MAGI2: variants seen among roughly 807,000 people sequenced by gnomAD.
MAGI2 encodes the protein membrane associated guanylate kinase, WW and PDZ domain containing 2.
MAGI2 carries 35 observed loss-of-function variants against 133.3 expected under a neutral mutation model. The ratio of observed to expected loss-of-function variants is 0.26; its 90% CI spans 0.20 to 0.35. The LOEUF is 0.35. MAGI2 is among the 10% of genes least tolerant of loss of function. The probability of loss-of-function intolerance (pLI) is 1.00; values close to 1 mark genes in which losing one functional copy is unlikely to be tolerated. For synonymous variants in MAGI2, 729 were observed against 710.6 expected, an observed-to-expected ratio of 1.03 and a Z score of -0.41; for missense variants, 1,636 against 1,863.4, an observed-to-expected ratio of 0.88 and a Z score of 2.25.
At chr7:78,891,455 T>C (rs1046981922) in intron 2 of MAGI2, among the ~76,000 whole-genome samples, 10 of 152,306 alleles carry the variant, frequency 6.6e-5, no homozygotes, top group African/African-American at 1.2e-4. Flanking sequence ...ATATCCCTGA[T>C]GAACATCGAT....
At chr7:79,333,504 C>T (rs567912569) in intron 1 of MAGI2, among the ~76,000 whole-genome samples, 1 of 152,290 alleles carries the variant, frequency 6.6e-6, no homozygotes, top group Non-Finnish European at 1.5e-5. Context: ...ATCTATAAGC[C>T]TACCAATCCA....
intron 3 of MAGI2, among the ~76,000 whole-genome samples, chr7:78,523,465 C>T (rs1443327526): frequency 6.6e-6 from 1 of 151,642 alleles, no homozygotes; most frequent in African/African-American, 2.4e-5. Context: ...GGCAACAGAG[C>T]AAGACTCCAT....
At chr7:78,854,880 G>A (rs1005465737) in intron 2 of MAGI2, among the ~76,000 whole-genome samples, 10 of 151,196 alleles carry the variant, frequency 6.6e-5, no homozygotes, top group Non-Finnish European at 1.0e-4. Context: ...TTCTTGAGAC[G>A]GAGTCTCGCT....
intron 6 of MAGI2, among the ~76,000 whole-genome samples, chr7:78,489,204 C>T (rs957828118): frequency 5.3e-5 from 8 of 151,862 alleles, no homozygotes; most frequent in African/African-American, 1.5e-4. Context: ...TTCACATGCA[C>T]GAAAACGGTC....
intron 3 of MAGI2, among the ~76,000 whole-genome samples, chr7:78,552,475 G>A (rs1385956133): frequency 6.6e-6 from 1 of 152,142 alleles, no homozygotes; most frequent in East Asian, 1.9e-4. Flanking sequence ...AAGCCACTGC[G>A]CCCGACTATT....
intron 1 of MAGI2, among the ~76,000 whole-genome samples, chr7:79,145,586 A>C: frequency 6.6e-6 from 1 of 152,162 alleles, no homozygotes; most frequent in East Asian, 1.9e-4. Flanking sequence ...GAAAAAAAAA[A>C]GCCAATAAAA....
chr7:79,368,094 C>T (rs1222826000), intron 1 of MAGI2, among the ~76,000 whole-genome samples: 3 of 151,676 alleles, frequency 2.0e-5, no homozygotes, highest in African/African-American at 7.3e-5. Flanking sequence ...GAGACACGGC[C>T]CTTATAAGAT....
chr7:79,222,548 A>T (rs145985800), intron 1 of MAGI2, among the ~76,000 whole-genome samples: 1 of 152,182 alleles, frequency 6.6e-6, no homozygotes, highest in East Asian at 1.9e-4. Context: ...GAGATTCTGC[A>T]TAATAAAAAC....
chr7:79,138,562 A>T (rs1313289461), intron 1 of MAGI2, among the ~76,000 whole-genome samples: 1 of 152,188 alleles, frequency 6.6e-6, no homozygotes, highest in Non-Finnish European at 1.5e-5. Context: ...TCTATTTCAG[A>T]CTGAAGGGAA....
intron 2 of MAGI2, among the ~76,000 whole-genome samples, chr7:78,727,263 A>T (rs1820913050): frequency 6.6e-6 from 1 of 152,164 alleles, no homozygotes; most frequent in African/African-American, 2.4e-5. Flanking sequence ...TATGGAAGAG[A>T]GAGAGAGAGT....
intron 2 of MAGI2, among the ~76,000 whole-genome samples, chr7:78,819,928 A>G (rs149887549): frequency 7.0e-4 from 106 of 152,178 alleles, no homozygotes; most frequent in African/African-American, 2.5e-3. Flanking sequence ...CTACAATCTA[A>G]TAAAGAAGAA....
intron 1 of MAGI2, among the ~76,000 whole-genome samples, chr7:79,441,572 CA>C: frequency 6.6e-6 from 1 of 151,780 alleles, no homozygotes; most frequent in African/African-American, 2.4e-5. Context: ...TTCCTTTTTT[CA>C]AGCCAGACAG....
chr7:78,546,830 A>G (rs960331561), intron 3 of MAGI2, among the ~76,000 whole-genome samples: 1 of 152,212 alleles, frequency 6.6e-6, no homozygotes, highest in Non-Finnish European at 1.5e-5. Context: ...AACAGGGATA[A>G]TAACAGTGCC....
chr7:78,209,286 G>T (rs1218712200), intron 10 of MAGI2, among the ~76,000 whole-genome samples: 6 of 130,390 alleles, frequency 4.6e-5, no homozygotes, highest in African/African-American at 1.4e-4. Context: ...TTTTGAGACG[G>T]AGTCTCGCTC....
intron 1 of MAGI2, among the ~76,000 whole-genome samples, chr7:79,119,619 ATC>A (rs745905198): frequency 1.1e-4 from 16 of 152,128 alleles, no homozygotes; most frequent in South Asian, 2.1e-4. Flanking sequence ...CCTAGATTTT[ATC>A]TCCATATAAA....
At chr7:79,260,184 T>A (rs1285514470) in intron 1 of MAGI2, among the ~76,000 whole-genome samples, 1 of 152,074 alleles carries the variant, frequency 6.6e-6, no homozygotes, top group East Asian at 1.9e-4. Context: ...CAAAACCCTG[T>A]CTCTATCAAA....
chr7:79,009,041 T>C (rs761723767), intron 1 of MAGI2: 1 of 152,006 alleles, frequency 6.6e-6, no homozygotes, highest in Non-Finnish European at 1.5e-5. Flanking sequence ...ATCTAATATG[T>C]GGGACATACC....
chr7:78,344,220 C>T (rs1584945166), intron 8 of MAGI2, among the ~76,000 whole-genome samples: 1 of 152,262 alleles, frequency 6.6e-6, no homozygotes, highest in African/African-American at 2.4e-5. Flanking sequence ...TCAGTTTCCA[C>T]TCATTAAGTT....
At chr7:78,386,109 A>C (rs183785539) in intron 6 of MAGI2, among the ~76,000 whole-genome samples, 531 of 152,308 alleles carry the variant, frequency 3.5e-3, no homozygotes, top group South Asian at 0.01. Flanking sequence ...ATTCCTGGGC[A>C]GAAGGACTAG....
Sources: allele counts gnomAD v4.1 joint callset (sites outside exome capture counted in the v4.1 genomes callset), GRCh38; gene constraint gnomAD v4.1.1; transcripts MANE v1.5; gene names NCBI Gene and HGNC (gene_info 2026-07-23, HGNC 2026-07-21).